The following GALNT13 variants were observed in gnomAD, a reference collection of about 807,000 sequenced individuals.
GALNT13 encodes polypeptide N-acetylgalactosaminyltransferase 13, also known as UDP-GalNAc:polypeptide N-acetylgalactosaminyltransferase 13.
GALNT13 carries 28 observed loss-of-function variants against 64.2 expected under a neutral mutation model. That is an observed-to-expected ratio of 0.44 (90% CI 0.32 to 0.60). GALNT13 has a LOEUF of 0.60. Ranked by LOEUF, GALNT13 falls within the 20% of genes least tolerant of loss-of-function variation. GALNT13 has a pLI of 0.05. For synonymous variants in GALNT13, 214 were observed against 224.6 expected (o/e 0.95, Z 0.42); for missense variants, 577 against 669.8 (o/e 0.86, Z 1.53).
At chr2:153,493,231 T>C in the GALNT13 span, among the ~76,000 whole-genome samples, 1 of 151,994 alleles carries the variant, frequency 6.6e-6, no homozygotes, top group Non-Finnish European at 1.5e-5. Context: ...AACCTGGTTC[T>C]TTGAAGATAT....
chr2:154,215,129 G>A (rs148384624), intron 4 of GALNT13, among the ~76,000 whole-genome samples: 7 of 152,276 alleles, frequency 4.6e-5, no homozygotes, highest in Admixed American at 6.5e-5. Context: ...GCACTTGACA[G>A]CATTGTTTGC....
chr2:154,215,634 G>T (rs1688002145), intron 4 of GALNT13, among the ~76,000 whole-genome samples: 2 of 152,080 alleles, frequency 1.3e-5, no homozygotes, highest in African/African-American at 2.4e-5. Context: ...GTATCCGGTA[G>T]CTCTTGGTAC....
chr2:153,362,431 G>A, the GALNT13 span, among the ~76,000 whole-genome samples: 1 of 150,936 alleles, frequency 6.6e-6, no homozygotes. Context: ...ACACAGATGG[G>A]AAAATTGAAT....
the GALNT13 span, among the ~76,000 whole-genome samples, chr2:153,815,806 A>G: frequency 6.6e-6 from 1 of 152,172 alleles, no homozygotes; most frequent in Non-Finnish European, 1.5e-5. Context: ...GTTTGGTTTC[A>G]ATAAAATGTG....
the GALNT13 span, among the ~76,000 whole-genome samples, chr2:153,676,348 G>A: frequency 2.0e-5 from 3 of 152,064 alleles, no homozygotes; most frequent in East Asian, 1.9e-4. Flanking sequence ...CCAATAATGA[G>A]CTCCAAAATT....
At chr2:154,226,569 A>C (rs1688626981) in intron 4 of GALNT13, among the ~76,000 whole-genome samples, 1 of 152,164 alleles carries the variant, frequency 6.6e-6, no homozygotes, top group Non-Finnish European at 1.5e-5. Flanking sequence ...TTTATGATGC[A>C]TATAATCTTT....
the GALNT13 span, among the ~76,000 whole-genome samples, chr2:153,544,833 G>C: frequency 2.6e-5 from 4 of 152,100 alleles, no homozygotes; most frequent in Non-Finnish European, 5.9e-5. Context: ...TTGCAGAAAA[G>C]GAATGGAATC....
Position 154,066,328 on chromosome 2 carries a change from C to T in GALNT13, c.143-74009C>T, listed in dbSNP as rs548756128. On this transcript the variant is annotated intron_variant, in intron 3 of 12. Coordinates refer to ENST00000392825, the MANE Select transcript of GALNT13 (RefSeq NM_052917.4). ...GAAAGAGTTTTTAAAAGCATAATAACGGAGAACTTCCAAAACATGGAAAAA... is the reference window on the plus strand; with the variant it reads ...GAAAGAGTTTTTAAAAGCATAATAATGGAGAACTTCCAAAACATGGAAAAA... Among the ~76,000 whole-genome samples, 197 of 152,056 alleles carry T rather than the reference C, an allele frequency of 1.3e-3. 1 individual carries two copies. Among genetic ancestry groups the T allele is most frequent in the African/African-American group, 3.9e-3 (163 of 41,488 alleles).
At chr2:154,241,301 A>G (rs1165681834) in intron 4 of GALNT13, among the ~76,000 whole-genome samples, 2 of 152,282 alleles carry the variant, frequency 1.3e-5, no homozygotes, top group East Asian at 3.9e-4. Context: ...AGCCCTAGCC[A>G]GGGACCACGC....
chr2:153,967,699 C>G (rs574279037), intron 3 of GALNT13, among the ~76,000 whole-genome samples: 1 of 152,070 alleles, frequency 6.6e-6, no homozygotes, highest in Non-Finnish European at 1.5e-5. Flanking sequence ...AAACCACTGC[C>G]TTCCAGAGCA....
the GALNT13 span, among the ~76,000 whole-genome samples, chr2:153,552,345 C>T: frequency 6.6e-6 from 1 of 152,072 alleles, no homozygotes; most frequent in Non-Finnish European, 1.5e-5. Flanking sequence ...TGAGAATGAT[C>T]CAGGAGAGAG....
intron 4 of GALNT13, among the ~76,000 whole-genome samples, chr2:154,203,481 A>G (rs1687279579): frequency 1.3e-5 from 2 of 152,116 alleles, no homozygotes; most frequent in Non-Finnish European, 2.9e-5. Context: ...AGATAGATAC[A>G]TAGATAGATT....
the GALNT13 span, among the ~76,000 whole-genome samples, chr2:153,424,376 AT>A: frequency 6.6e-6 from 1 of 151,722 alleles, no homozygotes. Context: ...TATAGAAGAT[AT>A]TTGCAGTTCA....
chr2:153,861,314 T>C, the GALNT13 span, among the ~76,000 whole-genome samples: 1 of 152,168 alleles, frequency 6.6e-6, no homozygotes, highest in Non-Finnish European at 1.5e-5. Context: ...CAATGTCATA[T>C]AGCTGTGAAA....
the GALNT13 span, among the ~76,000 whole-genome samples, chr2:153,346,484 C>T: frequency 6.6e-6 from 1 of 152,088 alleles, no homozygotes; most frequent in African/African-American, 2.4e-5. Context: ...GCCAAAAGTT[C>T]TCTCCATGTG....
chr2:154,192,564 G>C (rs965941319), intron 4 of GALNT13, among the ~76,000 whole-genome samples: 1 of 152,066 alleles, frequency 6.6e-6, no homozygotes, highest in Non-Finnish European at 1.5e-5. Context: ...TAACTTGTCC[G>C]TTTGTGTGTG....
chr2:153,299,924 C>A, the GALNT13 span, among the ~76,000 whole-genome samples: 5 of 152,152 alleles, frequency 3.3e-5, no homozygotes, highest in African/African-American at 1.2e-4. Context: ...TTTGCATTGC[C>A]TTATCACCCA....
Position 154,450,857 on chromosome 2 carries a change from G to T in GALNT13, c.*306G>T. 1 of 208,678 alleles carries T rather than the reference G, an allele frequency of 4.8e-6. No individual in the cohort carries two copies. The highest frequency in any genetic ancestry group is 9.6e-6 in the Non-Finnish European group (1 of 104,460). The allele number at this position is 208,678 out of a possible 1,614,324, so 12.9% of individuals were successfully genotyped here. ...CACTCATGTCATAGGGTTAATTGGA[G>T]GTTATTTTATTTTTGGTTGTCATGG... On this transcript the variant is annotated 3_prime_UTR_variant, in exon 13 of 13. Transcript: ENST00000392825.
chr2:153,224,033 G>A, the GALNT13 span, among the ~76,000 whole-genome samples: 2 of 152,054 alleles, frequency 1.3e-5, no homozygotes, highest in Non-Finnish European at 2.9e-5. Flanking sequence ...AGTGCTTAAA[G>A]GGAAATGTAT....
Sources: gnomAD v4.1 joint callset for allele counts (sites outside exome capture counted in the v4.1 genomes callset) on GRCh38, gnomAD v4.1.1 for gene constraint, MANE v1.5 for transcripts, NCBI Gene and HGNC (gene_info 2026-07-23, HGNC 2026-07-21) for gene names.